LRP1B: variants seen among roughly 807,000 people sequenced by gnomAD.
LRP1B encodes LDL receptor related protein 1B, also known as low-density lipoprotein receptor-related protein 1B.
Under a neutral mutation model 556.6 loss-of-function variants are expected in LRP1B, and 217 were observed. The observed-to-expected ratio is 0.39, with a 90% CI of 0.35 to 0.44. LRP1B has a LOEUF of 0.44. LRP1B is among the 20% of genes least tolerant of loss of function. LRP1B has a pLI of 1.00. For synonymous variants in LRP1B, 2,047 were observed against 1,865.8 expected, an observed-to-expected ratio of 1.10 and a Z score of -2.50; for missense variants, 5,053 against 5,620.8, an observed-to-expected ratio of 0.90 and a Z score of 3.23.
At chr2:140,966,039 G>A (rs1188784840) in intron 18 of LRP1B, among the ~76,000 whole-genome samples, 2 of 152,182 alleles carry the variant, frequency 1.3e-5, no homozygotes, top group African/African-American at 2.4e-5. Flanking sequence ...CTTTATAGAA[G>A]CATGATTTAT....
At chr2:141,304,475 A>ATTTTTTTTTTT (rs67213971) in intron 3 of LRP1B, among the ~76,000 whole-genome samples, 1 of 83,866 alleles carries the variant, frequency 1.2e-5, no homozygotes, top group African/African-American at 4.6e-5. Flanking sequence ...AGTTTCATTC[A>ATTTTTTTTTTT]TTTTTTTTTT....
chr2:140,995,314 T>A (rs971955737), intron 15 of LRP1B, among the ~76,000 whole-genome samples: 5 of 151,934 alleles, frequency 3.3e-5, no homozygotes, highest in African/African-American at 4.8e-5. Context: ...TCATCTAGTC[T>A]GTGGGTATGC....
chr2:140,844,851 C>T (rs1396001657), intron 29 of LRP1B, among the ~76,000 whole-genome samples: 1 of 152,096 alleles, frequency 6.6e-6, no homozygotes, highest in East Asian at 1.9e-4. Context: ...TTAGCTAAAA[C>T]TATCAAGGAA....
At chr2:140,693,721 G>A (rs1270479405) in intron 41 of LRP1B, among the ~76,000 whole-genome samples, 2 of 150,688 alleles carry the variant, frequency 1.3e-5, no homozygotes, top group East Asian at 4.0e-4. Flanking sequence ...TGGGTGGCGG[G>A]GGGGCGTGGA....
chr2:141,228,582 A>AAT (rs1683342568), intron 6 of LRP1B, among the ~76,000 whole-genome samples: 11 of 146,292 alleles, frequency 7.5e-5, no homozygotes, highest in Non-Finnish European at 3.0e-5. Context: ...TGTGTGTATG[A>AAT]GTGTGTGTGT....
intron 2 of LRP1B, among the ~76,000 whole-genome samples, chr2:141,729,146 C>T (rs183871134): frequency 1.5e-4 from 23 of 152,292 alleles, no homozygotes; most frequent in African/African-American, 5.3e-4. Context: ...CCATTAGGAG[C>T]TGTGTTAAGA....
At chr2:141,398,083 C>T (rs1690309314) in intron 3 of LRP1B, among the ~76,000 whole-genome samples, 2 of 151,964 alleles carry the variant, frequency 1.3e-5, no homozygotes, top group Non-Finnish European at 2.9e-5. Context: ...AGAAGCTGAT[C>T]AATAATATAT....
Position 140,356,433 on chromosome 2 carries a change from T to G in LRP1B, c.11439A>C (p.Gly3813=). The change falls in exon 75 of 91, where the codon GGA becomes GGC. Residue 3813 remains glycine, a synonymous_variant. Transcript: ENST00000389484. ...TTATTTGATTACAATATGCATCATC[T>G]CCACATGGATTCACATTATCTTCAC... The part of the protein sequence containing the change: ...YTCEDNVNPC[G]DDAYCNQIKT... The G allele has an allele frequency of 6.2e-7, 1 of 1,607,950 alleles. No homozygotes were observed. Among genetic ancestry groups the G allele is most frequent in the Non-Finnish European group, 8.5e-7 (1 of 1,175,164 alleles).
chr2:141,554,309 T>C (rs62169796), intron 2 of LRP1B, among the ~76,000 whole-genome samples: 73,670 of 143,204 alleles, frequency 0.51, 20,198 homozygotes, highest in East Asian at 0.79. Context: ...TATATATATC[T>C]ATAGGAATAG....
chr2:141,210,378 G>A (rs1682490264), intron 6 of LRP1B, among the ~76,000 whole-genome samples: 1 of 90,640 alleles, frequency 1.1e-5, no homozygotes, highest in Non-Finnish European at 2.4e-5. Context: ...GAAATTATTA[G>A]GCTACTTGCC....
At chr2:141,782,040 C>G (rs1695272269) in intron 2 of LRP1B, among the ~76,000 whole-genome samples, 1 of 152,142 alleles carries the variant, frequency 6.6e-6, no homozygotes, top group African/African-American at 2.4e-5. Flanking sequence ...AAAAACACCT[C>G]AAGACTGAGG....
chr2:141,173,434 C>T (rs1574153018), intron 7 of LRP1B, among the ~76,000 whole-genome samples: 1 of 152,060 alleles, frequency 6.6e-6, no homozygotes, highest in African/African-American at 2.4e-5. Context: ...ATACATGACT[C>T]AGGAGAAATG....
intron 84 of LRP1B, among the ~76,000 whole-genome samples, chr2:140,280,791 G>A (rs1035933743): frequency 2.0e-5 from 3 of 151,802 alleles, no homozygotes; most frequent in African/African-American, 2.4e-5. Flanking sequence ...CATAACAGAC[G>A]AGATAGTCTA....
intron 2 of LRP1B, among the ~76,000 whole-genome samples, chr2:141,639,386 A>G (rs1188500344): frequency 2.3e-5 from 2 of 88,362 alleles, no homozygotes; most frequent in Non-Finnish European, 5.3e-5. Flanking sequence ...ACACATATAT[A>G]TATACACATA....
At chr2:142,104,109 G>A (rs192030117) in intron 1 of LRP1B, among the ~76,000 whole-genome samples, 86 of 152,092 alleles carry the variant, frequency 5.7e-4, no homozygotes, top group Middle Eastern at 3.4e-3. Flanking sequence ...ATTTATGAAC[G>A]TAGAAAAAAG....
At chr2:141,465,348 G>T (rs1446387885) in intron 3 of LRP1B, among the ~76,000 whole-genome samples, 3 of 151,374 alleles carry the variant, frequency 2.0e-5, no homozygotes, top group Admixed American at 1.3e-4. Flanking sequence ...GGGAAAAAAT[G>T]GAAAAAAAAA....
chr2:141,062,668 T>C (rs890918437), intron 7 of LRP1B, among the ~76,000 whole-genome samples: 1 of 151,796 alleles, frequency 6.6e-6, no homozygotes, highest in Non-Finnish European at 1.5e-5. Context: ...GCCTTTCAAA[T>C]TGCCTGGTAA....
At chr2:141,619,046 A>G (rs1688409761) in intron 2 of LRP1B, among the ~76,000 whole-genome samples, 1 of 152,222 alleles carries the variant, frequency 6.6e-6, no homozygotes, top group Non-Finnish European at 1.5e-5. Flanking sequence ...TCTTGAACAG[A>G]GTAACTCACC....
chr2:140,364,400 C>A (rs2105150258), intron 72 of LRP1B, among the ~76,000 whole-genome samples: 1 of 151,488 alleles, frequency 6.6e-6, no homozygotes, highest in East Asian at 1.9e-4. Flanking sequence ...ACTCTAAACC[C>A]ACCCAAAGAG....
Sources: gnomAD v4.1 joint callset for allele counts (sites outside exome capture counted in the v4.1 genomes callset) on GRCh38, gnomAD v4.1.1 for gene constraint, MANE v1.5 for transcripts, NCBI Gene and HGNC (gene_info 2026-07-23, HGNC 2026-07-21) for gene names.